The following BANP variants were observed in gnomAD, a reference collection of about 807,000 sequenced individuals.
BANP encodes the protein BTG3 associated nuclear protein.
A neutral mutation model predicts 68.1 loss-of-function variants in BANP; 11 were observed. The observed-to-expected ratio is 0.16, with a 90% CI of 0.10 to 0.27. BANP has a LOEUF of 0.27. Ranked by LOEUF, BANP falls within the 10% of genes least tolerant of loss-of-function variation. BANP has a pLI of 1.00. For synonymous variants in BANP, 329 were observed against 303.2 expected (o/e 1.09, Z -0.88); for missense variants, 504 against 722.7 (o/e 0.70, Z 3.47).
At chr16:88,068,882 G>T (rs954211612) in intron 12 of BANP, among the ~76,000 whole-genome samples, 2 of 61,974 alleles carry the variant, frequency 3.2e-5, no homozygotes, top group African/African-American at 1.3e-4. Context: ...CACCTCCCTG[G>T]GCGCTCTCGT....
intron 6 of BANP, among the ~76,000 whole-genome samples, chr16:88,015,407 C>T (rs111830309): frequency 2.0e-5 from 3 of 152,246 alleles, no homozygotes; most frequent in African/African-American, 7.2e-5. Flanking sequence ...CTGCTTTCTG[C>T]CCAGGTGACT....
At chr16:87,978,722 A>G in intron 2 of BANP, 1 of 463,668 alleles carries the variant, frequency 2.2e-6, no homozygotes, top group South Asian at 1.6e-5. Context: ...TAACAGTAAT[A>G]CCAGTGTGTG....
chr16:88,065,195 T>A, intron 11 of BANP, 72 bp from the exon 12 acceptor site: 1 of 649,418 alleles, frequency 1.5e-6, no homozygotes, highest in East Asian at 2.8e-5. Context: ...TGGGTCTCAG[T>A]GGGCTGAAAG....
intron 7 of BANP, among the ~76,000 whole-genome samples, chr16:88,019,457 C>T (rs1328601690): frequency 6.6e-6 from 1 of 151,694 alleles, no homozygotes; most frequent in Non-Finnish European, 1.5e-5. Context: ...GGAGAGTCAC[C>T]TCAGGGGAGC....
At chr16:87,951,765 G>T (rs1001414573) in intron 1 of BANP, among the ~76,000 whole-genome samples, 2 of 151,526 alleles carry the variant, frequency 1.3e-5, no homozygotes, top group African/African-American at 4.8e-5. Context: ...CCCGGCGTCC[G>T]TTGAGCCGCG....
In BANP at chr16:88,003,344, G is replaced by A. The variant is rs142786587; in HGVS notation, c.363-951G>A. On this transcript the variant is annotated intron_variant, in intron 4 of 13. Transcript: ENST00000682872. This position sits in a 1 kb window ranked among gnomAD's most constrained non-coding sequence, Gnocchi z 6.1. ...TGTGGGGACAGTTACAGTGATACTA[G>A]GCTAGAATTTCCTATGTGCAGATCA... 2.2e-4 allele frequency: 95 copies of A among 422,962 alleles called. No homozygotes were observed. Among genetic ancestry groups the A allele is most frequent in the African/African-American group, 1.8e-3 (88 of 49,468 alleles). The allele number at this position is 422,962 out of a possible 1,614,324, so 26.2% of individuals were successfully genotyped here.
intron 5 of BANP, 76 bp from the exon 6 acceptor site, chr16:88,006,014 T>C (rs1032747149): frequency 1.4e-5 from 22 of 1,591,598 alleles, no homozygotes; most frequent in Non-Finnish European, 1.8e-5. Flanking sequence ...GATTTTGCGA[T>C]AAGGAAAGCG....
At chr16:87,982,255 C>G (rs923100157) in intron 3 of BANP, among the ~76,000 whole-genome samples, 10 of 152,186 alleles carry the variant, frequency 6.6e-5, no homozygotes, top group African/African-American at 2.2e-4. Context: ...CTCCTTGTCC[C>G]ACTGTTGAGA....
intron 11 of BANP, among the ~76,000 whole-genome samples, chr16:88,058,567 C>T (rs58330953): frequency 6.6e-6 from 1 of 152,184 alleles, no homozygotes; most frequent in Non-Finnish European, 1.5e-5. Flanking sequence ...CTCACACAGG[C>T]AGTACAGGGG....
chr16:87,959,345 G>A (rs1172533008), intron 1 of BANP, among the ~76,000 whole-genome samples: 1 of 152,268 alleles, frequency 6.6e-6, no homozygotes, highest in Admixed American at 6.5e-5. Context: ...CATAGAAGCA[G>A]GTGGAGAGCT....
chr16:87,998,002 C>T (rs142718160), intron 4 of BANP, among the ~76,000 whole-genome samples: 16 of 152,316 alleles, frequency 1.1e-4, no homozygotes, highest in African/African-American at 3.6e-4. Flanking sequence ...TGGCATCCTG[C>T]TCGGTGGATT....
Position 87,981,557 on chromosome 16 carries a change from C to T in BANP, c.162+430C>T, listed in dbSNP as rs184924237. On this transcript the variant is annotated intron_variant, in intron 3 of 13. Coordinates refer to ENST00000682872, the MANE Select transcript of BANP (RefSeq NM_001386991.1). ...ATCTGCACAGTTTCCAAAGAGACCA[C>T]ATGGGTAGGTTCTGGCGGTTAGGAT... Among the ~76,000 whole-genome samples, 36 of 152,338 alleles carry T rather than the reference C, an allele frequency of 2.4e-4. No individual in the cohort carries two copies. The East Asian group carries it at 6.2e-3, about 26-fold the overall frequency.
chr16:88,041,474 C>T (rs2080775755), intron 11 of BANP, among the ~76,000 whole-genome samples: 1 of 152,308 alleles, frequency 6.6e-6, no homozygotes, highest in East Asian at 1.9e-4. Flanking sequence ...CCCACAGTTG[C>T]CATTTGCTGT....
intron 11 of BANP, among the ~76,000 whole-genome samples, chr16:88,053,735 C>A (rs1185255770): frequency 7.1e-6 from 1 of 140,756 alleles, no homozygotes; most frequent in Non-Finnish European, 1.5e-5. Flanking sequence ...ACCTTCACCA[C>A]CACCTCTACT....
At chr16:87,972,130 G>C (rs906310412) in intron 1 of BANP, among the ~76,000 whole-genome samples, 8 of 152,030 alleles carry the variant, frequency 5.3e-5, no homozygotes, top group African/African-American at 1.7e-4. Flanking sequence ...TACATATGTT[G>C]GGTCTTCTTT....
At chr16:87,992,406 A>C (rs182127052) in intron 4 of BANP, among the ~76,000 whole-genome samples, 1 of 152,168 alleles carries the variant, frequency 6.6e-6, no homozygotes, top group African/African-American at 2.4e-5. Context: ...TTTTCTGAAA[A>C]TGTTTCTGTG....
chr16:87,994,310 G>A (rs1403207622), intron 4 of BANP, among the ~76,000 whole-genome samples: 1 of 152,196 alleles, frequency 6.6e-6, no homozygotes, highest in Non-Finnish European at 1.5e-5. Flanking sequence ...ACCCGTCCTT[G>A]AGCTGCTCGC....
intron 11 of BANP, among the ~76,000 whole-genome samples, chr16:88,042,461 A>G (rs11117351): frequency 0.99 from 150,429 of 152,326 alleles, 74,285 homozygotes; most frequent in East Asian, 1. Flanking sequence ...CTGCCCAGCC[A>G]TGATGACCAG....
chr16:88,062,600 G>A (rs1041916966), intron 11 of BANP, among the ~76,000 whole-genome samples: 1 of 152,204 alleles, frequency 6.6e-6, no homozygotes, highest in African/African-American at 2.4e-5. Flanking sequence ...GAGATGACGA[G>A]GTGCTGCCCT....
Sources: allele counts gnomAD v4.1 joint callset (sites outside exome capture counted in the v4.1 genomes callset), GRCh38; gene constraint gnomAD v4.1.1; non-coding constraint Gnocchi (gnomAD v3.1); transcripts MANE v1.5; gene names NCBI Gene and HGNC (gene_info 2026-07-23, HGNC 2026-07-21).